The following TMEM117 variants were observed in gnomAD, a reference collection of about 807,000 sequenced individuals.
TMEM117 encodes transmembrane protein 117.
A neutral mutation model predicts 52.4 loss-of-function variants in TMEM117; 27 were observed. The ratio of observed to expected loss-of-function variants is 0.51; its 90% confidence interval spans 0.38 to 0.71. The LOEUF is 0.71. Ranked by LOEUF, TMEM117 falls within the 30% of genes least tolerant of loss-of-function variation. The pLI is 0.00. For missense variants in TMEM117, 556 were observed against 630.5 expected (o/e 0.88, Z 1.26); for synonymous variants, 215 against 206.3 (o/e 1.04, Z -0.36).
At chr12:44,356,324 T>A (rs943668939) in intron 6 of TMEM117, among the ~76,000 whole-genome samples, 3 of 152,112 alleles carry the variant, frequency 2.0e-5, no homozygotes, top group Non-Finnish European at 4.4e-5. Context: ...ACCGTTAAGC[T>A]CTTTTCATCC....
chr12:44,216,231 C>T (rs1316069383), intron 5 of TMEM117, among the ~76,000 whole-genome samples: 2 of 151,930 alleles, frequency 1.3e-5, no homozygotes, highest in African/African-American at 4.8e-5. Flanking sequence ...TGGTCTTGAA[C>T]CCCTGACCTC....
At chr12:44,239,818 A>G (rs911308958) in intron 5 of TMEM117, among the ~76,000 whole-genome samples, 1 of 152,110 alleles carries the variant, frequency 6.6e-6, no homozygotes, top group African/African-American at 2.4e-5. Flanking sequence ...TGTTATAAAA[A>G]AAAGATAGTT....
At chr12:44,104,027 T>C (rs1010166687) in intron 3 of TMEM117, among the ~76,000 whole-genome samples, 2 of 151,908 alleles carry the variant, frequency 1.3e-5, no homozygotes, top group South Asian at 2.1e-4. Context: ...ATAAGAAGAG[T>C]GAAATTGGCA....
chr12:44,360,303 G>A (rs1337363037), intron 6 of TMEM117, among the ~76,000 whole-genome samples: 1 of 152,090 alleles, frequency 6.6e-6, no homozygotes, highest in Non-Finnish European at 1.5e-5. Context: ...GATTAGGTCG[G>A]GCGCAGTGGC....
chr12:43,987,926 G>T (rs1386693736), intron 3 of TMEM117, among the ~76,000 whole-genome samples: 1 of 152,070 alleles, frequency 6.6e-6, no homozygotes, highest in East Asian at 1.9e-4. Context: ...TGAAGATGGG[G>T]TGGGATCTTG....
At chr12:43,944,826 G>T (rs1945102946) in intron 3 of TMEM117, among the ~76,000 whole-genome samples, 1 of 152,010 alleles carries the variant, frequency 6.6e-6, no homozygotes, top group African/African-American at 2.4e-5. Context: ...TTTAAAAGTG[G>T]GCCACAGCTG....
intron 3 of TMEM117, among the ~76,000 whole-genome samples, chr12:44,103,807 C>T (rs531033103): frequency 6.6e-6 from 1 of 152,104 alleles, no homozygotes; most frequent in African/African-American, 2.4e-5. Context: ...TCTTGAGAAG[C>T]TACAATATCT....
chr12:44,153,229 C>A (rs541295795), intron 4 of TMEM117, among the ~76,000 whole-genome samples: 28 of 152,036 alleles, frequency 1.8e-4, no homozygotes, highest in Non-Finnish European at 2.9e-4. Flanking sequence ...CTTGCCCTTG[C>A]CCAAGGTGAC....
chr12:43,894,158 A>T (rs1944157577), intron 2 of TMEM117, among the ~76,000 whole-genome samples: 1 of 152,244 alleles, frequency 6.6e-6, no homozygotes, highest in Admixed American at 6.5e-5. Context: ...TGCCAAGAGC[A>T]TGGCATGGAC....
At chr12:43,910,341 A>G (rs1282445343) in intron 2 of TMEM117, among the ~76,000 whole-genome samples, 1 of 140,286 alleles carries the variant, frequency 7.1e-6, no homozygotes, top group Non-Finnish European at 1.6e-5. Context: ...GATGGGACGT[A>G]TTTCAAAATA....
At chr12:44,048,931 A>G (rs1357753365) in intron 3 of TMEM117, among the ~76,000 whole-genome samples, 3 of 152,236 alleles carry the variant, frequency 2.0e-5, no homozygotes, top group African/African-American at 4.8e-5. Context: ...TTGTCATTAT[A>G]TAACTATAAT....
chr12:44,025,399 T>C (rs1946517476), intron 3 of TMEM117, among the ~76,000 whole-genome samples: 1 of 152,174 alleles, frequency 6.6e-6, no homozygotes, highest in South Asian at 2.1e-4. Context: ...CTTCTGCTAA[T>C]GTGGAAATAG....
intron 2 of TMEM117, among the ~76,000 whole-genome samples, chr12:43,891,404 A>T (rs1731421): frequency 8.2e-6 from 1 of 122,190 alleles, no homozygotes; most frequent in Non-Finnish European, 1.6e-5. Flanking sequence ...ATGGAGTCTC[A>T]CCCTGTCACC....
At chr12:44,319,698 C>G (rs1385593878) in intron 6 of TMEM117, among the ~76,000 whole-genome samples, 1 of 152,190 alleles carries the variant, frequency 6.6e-6, no homozygotes. Context: ...TAAGTTCTTA[C>G]ATTTATTAAA....
chr12:44,313,094 C>T (rs1183906432), intron 6 of TMEM117, among the ~76,000 whole-genome samples: 5 of 152,112 alleles, frequency 3.3e-5, no homozygotes, highest in Admixed American at 2.6e-4. Context: ...TTTTGCTGTA[C>T]GAAAGCTCTT....
intron 3 of TMEM117, among the ~76,000 whole-genome samples, chr12:44,110,203 T>G (rs1948034209): frequency 7.0e-6 from 1 of 143,746 alleles, no homozygotes; most frequent in African/African-American, 2.7e-5. Context: ...CTTTATTTCC[T>G]TCTCCTGCCT....
chr12:43,953,907 A>G (rs1268586373), intron 3 of TMEM117, among the ~76,000 whole-genome samples: 1 of 152,234 alleles, frequency 6.6e-6, no homozygotes, highest in East Asian at 1.9e-4. Context: ...AACTGGAAGT[A>G]AAACACTCCT....
chr12:44,236,185 TATAGAGAG>T (rs920856977), intron 5 of TMEM117, among the ~76,000 whole-genome samples: 2 of 145,238 alleles, frequency 1.4e-5, no homozygotes, highest in African/African-American at 5.3e-5. Context: ...TATATATATA[TATAGAGAG>T]AGAGAGAGAG....
At chr12:44,142,043 T>C (rs1298133676) in intron 3 of TMEM117, among the ~76,000 whole-genome samples, 2 of 151,878 alleles carry the variant, frequency 1.3e-5, no homozygotes. Flanking sequence ...TCTGCGTTTG[T>C]GAGTCAATCA....
Sources: gnomAD v4.1 joint callset for allele counts (sites outside exome capture counted in the v4.1 genomes callset) on GRCh38, gnomAD v4.1.1 for gene constraint, MANE v1.5 for transcripts, NCBI Gene and HGNC (gene_info 2026-07-23, HGNC 2026-07-21) for gene names.